STX8: variants seen among roughly 807,000 people sequenced by gnomAD.
The protein encoded by STX8 is syntaxin 8.
Under a neutral mutation model 37.5 loss-of-function variants are expected in STX8, and 23 were observed. That is an observed-to-expected ratio of 0.61 (90% CI 0.44 to 0.87). The LOEUF (loss-of-function observed/expected upper bound fraction) is 0.87, where lower values mean the gene tolerates loss of function less well. Among genes scored for constraint, STX8 ranks in the 40% least tolerant of loss-of-function variants. The pLI is 0.00. For missense variants in STX8, 313 were observed against 284.7 expected, an observed-to-expected ratio of 1.10 and a Z score of -0.71; for synonymous variants, 115 against 99.1, an observed-to-expected ratio of 1.16 and a Z score of -0.95.
intron 4 of STX8, among the ~76,000 whole-genome samples, chr17:9,538,031 T>C (rs1036872529): frequency 3.9e-5 from 6 of 152,312 alleles, no homozygotes; most frequent in African/African-American, 1.4e-4. Context: ...TCAATAAAGA[T>C]CTACTTAATG....
chr17:9,515,864 T>A (rs917564122), intron 4 of STX8, among the ~76,000 whole-genome samples: 1 of 152,190 alleles, frequency 6.6e-6, no homozygotes, highest in Non-Finnish European at 1.5e-5. Flanking sequence ...ATAGCCAAGA[T>A]GTCAAGATTT....
chr17:9,366,323 C>G (rs1348571763), intron 7 of STX8, among the ~76,000 whole-genome samples: 1 of 152,184 alleles, frequency 6.6e-6, no homozygotes, highest in Non-Finnish European at 1.5e-5. Flanking sequence ...CCTCCGCCTC[C>G]CGGGTTCAAG....
intron 6 of STX8, among the ~76,000 whole-genome samples, chr17:9,391,613 GA>G (rs1912221639): frequency 7.0e-6 from 1 of 142,092 alleles, no homozygotes; most frequent in South Asian, 2.2e-4. Flanking sequence ...TATGCCTGAA[GA>G]ATATACTGTT....
At chr17:9,497,667 A>G (rs1035260137) in intron 5 of STX8, among the ~76,000 whole-genome samples, 16 of 152,204 alleles carry the variant, frequency 1.1e-4, no homozygotes, top group Non-Finnish European at 1.5e-4. Flanking sequence ...ACAGAGGGAC[A>G]TCCCTAAGAG....
chr17:9,388,295 C>T (rs927881286), intron 6 of STX8, among the ~76,000 whole-genome samples: 2 of 151,302 alleles, frequency 1.3e-5, no homozygotes, highest in Admixed American at 6.6e-5. Flanking sequence ...TGGTCTCGAA[C>T]TCCTGACCTC....
At chr17:9,331,144 A>G (rs1909949803) in intron 7 of STX8, among the ~76,000 whole-genome samples, 1 of 152,140 alleles carries the variant, frequency 6.6e-6, no homozygotes, top group Non-Finnish European at 1.5e-5. Flanking sequence ...CTGTCTAAAG[A>G]GCTCTTTAAC....
chr17:9,264,325 G>A (rs1182951730), intron 7 of STX8, among the ~76,000 whole-genome samples: 1 of 152,142 alleles, frequency 6.6e-6, no homozygotes, highest in African/African-American at 2.4e-5. Flanking sequence ...CCTTTTTTGA[G>A]ACAGGGTCTT....
At chr17:9,523,251 G>A (rs1905427434) in intron 4 of STX8, among the ~76,000 whole-genome samples, 2 of 149,540 alleles carry the variant, frequency 1.3e-5, no homozygotes, top group Admixed American at 6.7e-5. Context: ...GGCAGAGGTT[G>A]CAGTGAGCCG....
At chr17:9,482,626 A>C (rs76963738) in intron 6 of STX8, among the ~76,000 whole-genome samples, 4,470 of 152,234 alleles carry the variant, frequency 0.029, 80 homozygotes, top group East Asian at 0.061. Context: ...TCTTTCTGTA[A>C]AGTCTGCTTT....
At chr17:9,548,275 T>C (rs1381796264) in intron 3 of STX8, among the ~76,000 whole-genome samples, 1 of 151,480 alleles carries the variant, frequency 6.6e-6, no homozygotes, top group Non-Finnish European at 1.5e-5. Context: ...CAGCTAATTT[T>C]TGTGTTTTCA....
rs148717211 is a variant in STX8 at position 9,405,689 on chromosome 17, T to C, written c.542-27036A>G. ...TGTTTGGCTTTTCCCCCCACCAGAA[T>C]TGGTCACTCACTTGCAATGAAAATC... On this transcript the variant is annotated intron_variant, in intron 6 of 7. Transcript: ENST00000306357. 6.2e-3 allele frequency among the ~76,000 whole-genome samples: 938 copies of C among 152,296 alleles called. 11 individuals carry two copies. Among genetic ancestry groups the C allele is most frequent in the African/African-American group, 0.021 (890 of 41,554 alleles).
chr17:9,329,046 A>G (rs11869418), intron 7 of STX8, among the ~76,000 whole-genome samples: 7,936 of 116,704 alleles, frequency 0.068, 861 homozygotes, highest in African/African-American at 0.26. Context: ...GCGAGATTCC[A>G]TCTCAAAAAA....
intron 5 of STX8, among the ~76,000 whole-genome samples, chr17:9,498,384 C>T (rs1396672269): frequency 7.2e-5 from 10 of 138,024 alleles, no homozygotes; most frequent in Non-Finnish European, 1.1e-4. Flanking sequence ...AGTGAGACAC[C>T]ATCTCAAAAA....
chr17:9,447,583 C>A (rs1390287899), intron 6 of STX8, among the ~76,000 whole-genome samples: 1 of 152,050 alleles, frequency 6.6e-6, no homozygotes, highest in Non-Finnish European at 1.5e-5. Context: ...CCACCATACC[C>A]AGCTAATTTC....
At chr17:9,548,602 C>G (rs912163505) in intron 3 of STX8, 3 of 152,046 alleles carry the variant, frequency 2.0e-5, no homozygotes, top group Non-Finnish European at 2.9e-5. Flanking sequence ...CAATAAGTAA[C>G]TAGTGTATGT....
intron 7 of STX8, among the ~76,000 whole-genome samples, chr17:9,263,684 C>A (rs1477274719): frequency 2.0e-5 from 3 of 152,188 alleles, no homozygotes; most frequent in Non-Finnish European, 2.9e-5. Flanking sequence ...CAGTAAACAT[C>A]TTTGAACATA....
chr17:9,266,436 C>T lies in STX8; in HGVS notation c.644-15791G>A, dbSNP rs372245729. ...AAGTGTGCTTCTGAAACTGATGACG[C>T]TTGCCTGTATTAGCGGCCGTTTTAC... On this transcript the variant is annotated intron_variant, in intron 7 of 7. Transcript: ENST00000306357. Among the ~76,000 whole-genome samples the T allele has an allele frequency of 1.1e-4, 17 of 152,166 alleles. 1 individual carries two copies. In the East Asian group the frequency reaches 1.7e-3, roughly 16 times the overall value.
chr17:9,285,594 T>C (rs1407627496), intron 7 of STX8, among the ~76,000 whole-genome samples: 1 of 152,148 alleles, frequency 6.6e-6, no homozygotes, highest in Non-Finnish European at 1.5e-5. Context: ...TGCCCATCTG[T>C]TCCTGCATGG....
At chr17:9,265,074 G>T (rs1255393172) in intron 7 of STX8, among the ~76,000 whole-genome samples, 1 of 149,100 alleles carries the variant, frequency 6.7e-6, no homozygotes, top group African/African-American at 2.5e-5. Flanking sequence ...AGCCATGATT[G>T]TGCCACTGCA....
Sources: allele counts gnomAD v4.1 joint callset (sites outside exome capture counted in the v4.1 genomes callset), GRCh38; gene constraint gnomAD v4.1.1; transcripts MANE v1.5; gene names NCBI Gene and HGNC (gene_info 2026-07-23, HGNC 2026-07-21).